GALNTL6: variants seen among roughly 807,000 people sequenced by gnomAD.
GALNTL6 encodes polypeptide N-acetylgalactosaminyltransferase-like 6.
A neutral mutation model predicts 73.7 loss-of-function variants in GALNTL6; 46 were observed. The ratio of observed to expected loss-of-function variants is 0.62; its 90% CI spans 0.49 to 0.80. The LOEUF is 0.80. GALNTL6 is among the 30% of genes least tolerant of loss of function. The pLI, the probability that GALNTL6 is intolerant of heterozygous loss-of-function variation, is 0.00. For missense variants in GALNTL6, 604 were observed against 755.0 expected (o/e 0.80, Z 2.34); for synonymous variants, 259 against 263.7 (o/e 0.98, Z 0.17).
chr4:172,118,459 G>T (rs902143135), intron 2 of GALNTL6, among the ~76,000 whole-genome samples: 1 of 152,150 alleles, frequency 6.6e-6, no homozygotes, highest in South Asian at 2.1e-4. Context: ...CAGCATTTGG[G>T]GAGGCCAAGG....
At chr4:172,359,221 A>G (rs1233410056) in intron 5 of GALNTL6, among the ~76,000 whole-genome samples, 1 of 152,172 alleles carries the variant, frequency 6.6e-6, no homozygotes, top group Non-Finnish European at 1.5e-5. Flanking sequence ...ATGAGATCAT[A>G]TTCTTTGCTG....
chr4:172,097,129 T>C (rs1484033926), intron 2 of GALNTL6, among the ~76,000 whole-genome samples: 1 of 152,188 alleles, frequency 6.6e-6, no homozygotes, highest in Non-Finnish European at 1.5e-5. Context: ...TTCACAGGCA[T>C]TTCTTCAGAT....
chr4:171,988,849 G>A, intron 2 of GALNTL6, among the ~76,000 whole-genome samples: 1 of 152,226 alleles, frequency 6.6e-6, no homozygotes, highest in East Asian at 1.9e-4. Flanking sequence ...GCTAAGGAGG[G>A]AGTAGAGGTG....
intron 2 of GALNTL6, among the ~76,000 whole-genome samples, chr4:172,051,419 A>T (rs1257295532): frequency 6.6e-6 from 1 of 152,114 alleles, no homozygotes; most frequent in East Asian, 1.9e-4. Flanking sequence ...CATGGACTTG[A>T]AGGATAAATG....
chr4:172,239,189 T>C (rs1737336992), intron 3 of GALNTL6, among the ~76,000 whole-genome samples: 1 of 152,220 alleles, frequency 6.6e-6, no homozygotes. Flanking sequence ...CAATTCTTTG[T>C]ATGTCTGGTC....
chr4:172,369,921 G>A (rs1363159729), intron 5 of GALNTL6, among the ~76,000 whole-genome samples: 1 of 152,236 alleles, frequency 6.6e-6, no homozygotes, highest in African/African-American at 2.4e-5. Context: ...GGCTCCCACA[G>A]TGCAGCAGCA....
At chr4:172,002,490 G>A (rs1436028470) in intron 2 of GALNTL6, among the ~76,000 whole-genome samples, 5 of 152,048 alleles carry the variant, frequency 3.3e-5, no homozygotes, top group African/African-American at 1.2e-4. Context: ...TTGTTTATAA[G>A]CCACAAAGTC....
intron 9 of GALNTL6, among the ~76,000 whole-genome samples, chr4:172,933,119 T>C (rs1028724447): frequency 2.0e-5 from 3 of 152,182 alleles, no homozygotes; most frequent in Admixed American, 6.5e-5. Flanking sequence ...AAGTAAATGA[T>C]TGAACAATTT....
At chr4:172,022,509 A>G (rs150518194) in intron 2 of GALNTL6, among the ~76,000 whole-genome samples, 154 of 152,158 alleles carry the variant, frequency 1.0e-3, no homozygotes, top group African/African-American at 3.5e-3. Flanking sequence ...GACTCCACAT[A>G]TCCATGCAAC....
intron 5 of GALNTL6, among the ~76,000 whole-genome samples, chr4:172,806,810 A>G (rs1740988532): frequency 6.6e-6 from 1 of 152,220 alleles, no homozygotes; most frequent in Admixed American, 6.5e-5. Flanking sequence ...ATGAGACAAT[A>G]TCTTTTGTGG....
At chr4:172,765,953 G>A (rs151166221) in intron 5 of GALNTL6, among the ~76,000 whole-genome samples, 1 of 152,008 alleles carries the variant, frequency 6.6e-6, no homozygotes, top group Non-Finnish European at 1.5e-5. Context: ...CAGAGCTGTG[G>A]TTCAATAATG....
intron 5 of GALNTL6, among the ~76,000 whole-genome samples, chr4:172,733,800 A>G (rs756387668): frequency 6.6e-6 from 1 of 152,202 alleles, no homozygotes; most frequent in African/African-American, 2.4e-5. Context: ...ACCCAGTCCC[A>G]GGTATGTATT....
chr4:172,982,267 T>C (rs530411121), intron 10 of GALNTL6, among the ~76,000 whole-genome samples: 6 of 152,274 alleles, frequency 3.9e-5, no homozygotes, highest in Non-Finnish European at 7.4e-5. Flanking sequence ...GCTTCCCAGG[T>C]TCCTCAGAGC....
At chr4:172,750,305 T>C (rs1737353120) in intron 5 of GALNTL6, among the ~76,000 whole-genome samples, 3 of 152,194 alleles carry the variant, frequency 2.0e-5, no homozygotes, top group Non-Finnish European at 2.9e-5. Flanking sequence ...ATAATACTTA[T>C]TAAGTTTTGT....
intron 5 of GALNTL6, among the ~76,000 whole-genome samples, chr4:172,490,764 C>G (rs371195040): frequency 6.6e-6 from 1 of 152,186 alleles, no homozygotes; most frequent in East Asian, 1.9e-4. Flanking sequence ...CTGTACCAGG[C>G]CTGAGAGTTC....
rs1042348412 is a variant in GALNTL6, at chr4:172,770,947, C to T, written c.554-38414C>T. Among the ~76,000 whole-genome samples the T allele has an allele frequency of 5.9e-5, 9 of 152,232 alleles. No homozygotes were observed. In the South Asian group the frequency reaches 1.5e-3, roughly 25 times the overall value. On this transcript the variant is annotated intron_variant, in intron 5 of 12. Transcript: ENST00000506823. ...GCTAAAAAGGCTTTAAATGAGTGCA[C>T]AATATTGGCATTGACAGAAGAAATT...
At chr4:171,895,365 G>C (rs1380254754) in intron 2 of GALNTL6, among the ~76,000 whole-genome samples, 2 of 152,160 alleles carry the variant, frequency 1.3e-5, no homozygotes, top group Non-Finnish European at 2.9e-5. Flanking sequence ...TCGAGTCATG[G>C]CAACTCTGTT....
chr4:172,765,905 T>TA (rs1454353862), intron 5 of GALNTL6, among the ~76,000 whole-genome samples: 5 of 152,066 alleles, frequency 3.3e-5, no homozygotes, highest in East Asian at 1.9e-4. Flanking sequence ...CCATATTTTT[T>TA]AAAAAAAGAA....
chr4:172,952,191 C>A lies in GALNTL6; in HGVS notation c.1304C>A (p.Ala435Asp). 3 of 1,614,058 alleles carry A rather than the reference C, an allele frequency of 1.9e-6. No individual in the cohort carries two copies. The highest frequency in any genetic ancestry group is 2.5e-6 in the Non-Finnish European group (3 of 1,179,982). ...LKCKDFKWFM[A>D]AVAWDVPKYY... ...TGCAAGGACTTCAAATGGTTCATGGCTGCTGTGGCCTGGGACGTGCCTAAA... is the reference window on the plus strand; with the variant it reads ...TGCAAGGACTTCAAATGGTTCATGGATGCTGTGGCCTGGGACGTGCCTAAA... The change falls in exon 10 of 13, where the codon GCT (alanine) becomes GAT (aspartate). Residue 435 changes from alanine (A) to aspartate (D), a missense_variant. Ala to Asp is a moderately radical substitution (Grantham distance 126). Around this residue, in one of 5 missense-constraint regions of GALNTL6, gnomAD observed 261 missense variants for 296.5 expected, o/e 0.88. Coordinates refer to ENST00000506823, the MANE Select transcript of GALNTL6 (RefSeq NM_001034845.3).
Sources: gnomAD v4.1 joint callset for allele counts (sites outside exome capture counted in the v4.1 genomes callset) on GRCh38, gnomAD v4.1.1 for gene constraint, gnomAD v4.1.1 regional missense constraint, MANE v1.5 for transcripts, NCBI Gene and HGNC (gene_info 2026-07-23, HGNC 2026-07-21) for gene names.